Variants in DAB2IP observed in about 807,000 individuals in gnomAD.
DAB2IP encodes disabled homolog 2-interacting protein.
A neutral mutation model predicts 107.2 loss-of-function variants in DAB2IP; 28 were observed. The observed-to-expected ratio is 0.26, with a 90% CI of 0.19 to 0.36. DAB2IP has a LOEUF of 0.36. Among genes scored for constraint, DAB2IP ranks in the 10% least tolerant of loss-of-function variants. The probability of loss-of-function intolerance (pLI) is 1.00; values close to 1 mark genes in which losing one functional copy is unlikely to be tolerated. For missense variants in DAB2IP, 1,400 were observed against 1,644.7 expected, an observed-to-expected ratio of 0.85 and a Z score of 2.57; for synonymous variants, 755 against 706.4, an observed-to-expected ratio of 1.07 and a Z score of -1.09.
At chr9:121,763,934 A>G in intron 8 of DAB2IP, 55 bp downstream of exon 8, 1 of 1,595,942 alleles carries the variant, frequency 6.3e-7, no homozygotes, top group Non-Finnish European at 8.6e-7. Flanking sequence ...CCTGTCCTTC[A>G]GTGTCTGGCA....
Position 121,726,340 on chromosome 9 carries a change from T to C in DAB2IP, c.362+26882T>C, listed in dbSNP as rs551918218. On this transcript the variant is annotated intron_variant, in intron 3 of 15. Transcript: ENST00000408936. The stretch of plus-strand genomic sequence containing the variant: ...GGAGGGCATGGAAGCTCCACGCCCC[T>C]GCCCACATACCTCTCCCTATGCATC... Among the ~76,000 whole-genome samples the C allele has an allele frequency of 1.6e-4, 24 of 152,360 alleles. No individual in the cohort carries two copies. The South Asian group carries it at 4.3e-3, about 28-fold the overall frequency.
chr9:121,768,719 A>G, intron 10 of DAB2IP, 86 bp downstream of exon 10: 1 of 1,548,608 alleles, frequency 6.5e-7, no homozygotes, highest in Non-Finnish European at 8.8e-7. Flanking sequence ...CATGGAGGGC[A>G]GAGAGTTTGC....
At chr9:121,770,914 A>C (rs1834675921) in intron 11 of DAB2IP, among the ~76,000 whole-genome samples, 190 bp downstream of exon 11, 1 of 151,132 alleles carries the variant, frequency 6.6e-6, no homozygotes, top group African/African-American at 2.5e-5. Flanking sequence ...TTCCTAGAGG[A>C]GGTGATGCTA....
intron 1 of DAB2IP, among the ~76,000 whole-genome samples, chr9:121,587,847 A>G (rs149007658): frequency 3.0e-4 from 45 of 152,314 alleles, no homozygotes; most frequent in Admixed American, 1.3e-3. Flanking sequence ...TAGTTTTTTC[A>G]GTATAAGTGT....
intron 1 of DAB2IP, among the ~76,000 whole-genome samples, chr9:121,642,357 C>T (rs186260413): frequency 4.9e-4 from 75 of 151,932 alleles, no homozygotes; most frequent in South Asian, 8.3e-4. Flanking sequence ...TCTCGTGTGT[C>T]GGCTTCCAGA....
intron 1 of DAB2IP, among the ~76,000 whole-genome samples, chr9:121,572,987 A>G (rs150505988): frequency 2.6e-5 from 4 of 152,272 alleles, no homozygotes; most frequent in African/African-American, 9.6e-5. Flanking sequence ...AAACTTCCCA[A>G]TGCTACTGCT....
rs993181458 is a variant in DAB2IP, at chr9:121,684,528, G to A, written c.228+5747G>A. On this transcript the variant is annotated intron_variant, in intron 2 of 15. Transcript: ENST00000408936. This position sits in a 1 kb window ranked among gnomAD's most constrained non-coding sequence, Gnocchi z 4.0. ...CGGAGCCCCACGACAGCTCCTTCCC[G>A]CTCATCTGCACACTGCCCCCTCCTG... Among the ~76,000 whole-genome samples the A allele has an allele frequency of 6.6e-6, 1 of 152,134 alleles. No individual in the cohort carries two copies. Among genetic ancestry groups the A allele is most frequent in the Non-Finnish European group, 1.5e-5 (1 of 68,028 alleles).
intron 1 of DAB2IP, among the ~76,000 whole-genome samples, chr9:121,676,034 C>T (rs148327448): frequency 4.6e-5 from 7 of 152,330 alleles, no homozygotes; most frequent in Admixed American, 1.3e-4. Context: ...TAAGAGACGG[C>T]GCCAGGCTGA....
chr9:121,694,214 C>T (rs1829303369), intron 2 of DAB2IP, among the ~76,000 whole-genome samples: 2 of 152,108 alleles, frequency 1.3e-5, no homozygotes, highest in South Asian at 4.1e-4. Flanking sequence ...ATGGGGGAGT[C>T]CCCACGCTGC....
intron 3 of DAB2IP, among the ~76,000 whole-genome samples, chr9:121,700,984 G>A (rs747632758): frequency 6.6e-6 from 1 of 152,214 alleles, no homozygotes; most frequent in African/African-American, 2.4e-5. Flanking sequence ...TGGGCGGCAG[G>A]CCACCCGGTT....
chr9:121,611,627 C>G (rs536792813), intron 1 of DAB2IP, among the ~76,000 whole-genome samples: 8 of 152,126 alleles, frequency 5.3e-5, no homozygotes, highest in Non-Finnish European at 1.2e-4. Context: ...CTTTGTTGCC[C>G]AGGCTGGAGT....
chr9:121,607,942 A>G (rs907751258), intron 1 of DAB2IP, among the ~76,000 whole-genome samples: 2 of 152,242 alleles, frequency 1.3e-5, no homozygotes, highest in Non-Finnish European at 2.9e-5. Context: ...ACATAATGGA[A>G]GCAGGCCCTG....
At chr9:121,656,880 C>T (rs1404802031) in intron 1 of DAB2IP, among the ~76,000 whole-genome samples, 2 of 152,226 alleles carry the variant, frequency 1.3e-5, no homozygotes, top group African/African-American at 4.8e-5. Context: ...ACCTCCAGGT[C>T]CTGAGATTCA....
In DAB2IP at chr9:121,763,501, C is replaced by G; in HGVS notation, c.1171-4C>G. On this transcript the variant is annotated splice_polypyrimidine_tract_variant and splice_region_variant and intron_variant, in intron 6 of 15. Coordinates refer to ENST00000408936, the Ensembl canonical transcript of DAB2IP. ...CCTGCTCTCTCCACCTCCTGCCTCC[C>G]CAGGACTTCCTGACAGACCTGATGA... 1 of 1,610,774 alleles carries G rather than the reference C, an allele frequency of 6.2e-7. No homozygotes were observed. The highest frequency in any genetic ancestry group is 1.3e-5 in the African/African-American group (1 of 75,058).
chr9:121,743,896 C>G (rs1342421985), intron 3 of DAB2IP, among the ~76,000 whole-genome samples: 2 of 149,458 alleles, frequency 1.3e-5, no homozygotes, highest in African/African-American at 5.1e-5. Flanking sequence ...CAGACATCCA[C>G]TGCCGGCCCA....
exon 16 of DAB2IP, chr9:121,785,274 G>A (rs1253001934): frequency 6.6e-6 from 1 of 152,392 alleles, no homozygotes; most frequent in Non-Finnish European, 1.5e-5. Flanking sequence ...CAGGGAAACA[G>A]CCTCTCTCTT....
chr9:121,738,111 C>T (rs1262582137), intron 3 of DAB2IP, among the ~76,000 whole-genome samples: 2 of 152,174 alleles, frequency 1.3e-5, no homozygotes, highest in Non-Finnish European at 2.9e-5. Context: ...GGTTGTGGGG[C>T]ACCTGGAAGG....
intron 3 of DAB2IP, chr9:121,737,121 T>G: frequency 1.1e-6 from 1 of 921,380 alleles, no homozygotes; most frequent in Non-Finnish European, 1.3e-6. Context: ...GCGGAGTCAG[T>G]ATGTTAGGGG....
chr9:121,604,123 A>G (rs1564695257), intron 1 of DAB2IP, among the ~76,000 whole-genome samples: 1 of 151,242 alleles, frequency 6.6e-6, no homozygotes, highest in Non-Finnish European at 1.5e-5. Flanking sequence ...GCAGGAGCCA[A>G]GGGGGAGCGT....
Sources: allele counts gnomAD v4.1 joint callset (sites outside exome capture counted in the v4.1 genomes callset), GRCh38; gene constraint gnomAD v4.1.1; non-coding constraint Gnocchi (gnomAD v3.1); transcripts MANE v1.5; gene names NCBI Gene and HGNC (gene_info 2026-07-23, HGNC 2026-07-21).